Variants in PCDHGA2 observed in about 807,000 individuals in gnomAD.
PCDHGA2 encodes the protein protocadherin gamma-A2.
A neutral mutation model predicts 59.2 loss-of-function variants in PCDHGA2; 40 were observed. The observed-to-expected ratio is 0.68, with a 90% CI of 0.52 to 0.88. The LOEUF (loss-of-function observed/expected upper bound fraction) is 0.88. Ranked by LOEUF, PCDHGA2 falls within the 40% of genes least tolerant of loss-of-function variation. The pLI, the probability that PCDHGA2 is intolerant of heterozygous loss-of-function variation, is 0.00. For synonymous variants in PCDHGA2, 560 were observed against 526.0 expected (o/e 1.06, Z -0.89); for missense variants, 1,226 against 1,204.0 (o/e 1.02, Z -0.27).
intron 1 of PCDHGA2, chr5:141,409,128 T>C (rs755394129): frequency 6.2e-6 from 10 of 1,613,976 alleles, no homozygotes; most frequent in South Asian, 1.1e-5. Flanking sequence ...TCATTTGATT[T>C]TGAAGATGTA....
chr5:141,433,555 G>C (rs1434189062), intron 1 of PCDHGA2, among the ~76,000 whole-genome samples: 1 of 152,088 alleles, frequency 6.6e-6, no homozygotes, highest in African/African-American at 2.4e-5. Flanking sequence ...TTCTTTTCTG[G>C]CTGGGCGCGG....
chr5:141,362,078 A>G, intron 1 of PCDHGA2: 3 of 1,612,904 alleles, frequency 1.9e-6, no homozygotes, highest in Non-Finnish European at 2.5e-6. Flanking sequence ...GCTGTGCGTG[A>G]TGGAGGACAG....
intron 1 of PCDHGA2, chr5:141,366,265 C>G (rs756734800): frequency 6.2e-7 from 1 of 1,613,566 alleles, no homozygotes; most frequent in Non-Finnish European, 8.5e-7. Context: ...TCGTGGTGGC[C>G]GTCGAAGACC....
intron 1 of PCDHGA2, among the ~76,000 whole-genome samples, chr5:141,364,014 A>G (rs145320199): frequency 4.6e-5 from 7 of 152,362 alleles, no homozygotes; most frequent in Non-Finnish European, 7.3e-5. Context: ...ACAACGCTAC[A>G]CAGTTAAACA....
intron 2 of PCDHGA2, among the ~76,000 whole-genome samples, chr5:141,503,598 C>CAA (rs765754054): frequency 1.5e-4 from 10 of 65,698 alleles, no homozygotes; most frequent in African/African-American, 2.3e-4. Context: ...GACTCCAGCT[C>CAA]AAAAAAAAAA....
At chr5:141,374,089 G>A in intron 1 of PCDHGA2, 1 of 1,532,432 alleles carries the variant, frequency 6.5e-7, no homozygotes, top group Non-Finnish European at 8.8e-7. Flanking sequence ...CAGTAATGGC[G>A]CCTCCGCAGA....
At chr5:141,415,394 C>A (rs893251079) in intron 1 of PCDHGA2, 29 of 1,614,110 alleles carry the variant, frequency 1.8e-5, no homozygotes, top group Non-Finnish European at 2.3e-5. Context: ...ACAGGTGTGT[C>A]CGGCTCGCAC....
At chr5:141,423,598 C>A in intron 1 of PCDHGA2, 1 of 1,612,940 alleles carries the variant, frequency 6.2e-7, no homozygotes, top group East Asian at 2.2e-5. Flanking sequence ...GAAAAGCGAG[C>A]CACTCTTGAT....
intron 1 of PCDHGA2, chr5:141,350,797 G>C (rs746796128): frequency 1.9e-6 from 3 of 1,613,996 alleles, no homozygotes; most frequent in Non-Finnish European, 2.5e-6. Context: ...CTCTGTCAAC[G>C]AAGGAAAGTC....
chr5:141,429,390 A>ATT (rs1561841316), intron 1 of PCDHGA2, among the ~76,000 whole-genome samples: 8 of 150,216 alleles, frequency 5.3e-5, no homozygotes, highest in African/African-American at 1.7e-4. Flanking sequence ...TTTTTTTTAA[A>ATT]AAAAATTGAG....
rs775247725 is a variant in PCDHGA2, at chr5:141,393,523, A to T, written c.2424+52128A>T. The T allele has an allele frequency of 2.0e-5, 33 of 1,613,900 alleles. No individual in the cohort carries two copies. Among genetic ancestry groups the T allele is most frequent in the Middle Eastern group, 1.6e-4 (1 of 6,084 alleles). ...CACGTGACAGTGTTGGATACAAATG[A>T]CAATGCCCCGGTTTTTCCTCACCCG... is the stretch of plus-strand genomic sequence containing the variant. On this transcript the variant is annotated intron_variant, in intron 1 of 3. Transcript: ENST00000394576.
At chr5:141,388,552 G>C in intron 1 of PCDHGA2, 1 of 1,613,814 alleles carries the variant, frequency 6.2e-7, no homozygotes, top group Non-Finnish European at 8.5e-7. Flanking sequence ...CCACCCCTAA[G>C]CAGCACTGCA....
chr5:141,454,892 C>T (rs1389056318), intron 1 of PCDHGA2, among the ~76,000 whole-genome samples: 4 of 146,994 alleles, frequency 2.7e-5, no homozygotes, highest in Non-Finnish European at 5.9e-5. Context: ...ACTGCTAGCA[C>T]CGCCTCCCGG....
chr5:141,399,106 T>C, intron 1 of PCDHGA2: 2 of 1,613,784 alleles, frequency 1.2e-6, no homozygotes, highest in Non-Finnish European at 1.7e-6. Context: ...GGTTGCACAA[T>C]GTACAGTTGA....
intron 1 of PCDHGA2, among the ~76,000 whole-genome samples, chr5:141,448,617 T>C (rs1318664360): frequency 2.0e-5 from 3 of 152,150 alleles, no homozygotes; most frequent in Non-Finnish European, 2.9e-5. Flanking sequence ...ACTTTATATC[T>C]TCCTTTCTTC....
chr5:141,344,120 T>G (rs746958849), intron 1 of PCDHGA2: 6 of 1,613,896 alleles, frequency 3.7e-6, no homozygotes, highest in African/African-American at 1.3e-5. Flanking sequence ...CAGGATCCGG[T>G]CAGATCCGCT....
chr5:141,433,283 T>A, intron 1 of PCDHGA2: 1 of 1,183,074 alleles, frequency 8.5e-7, no homozygotes, highest in Non-Finnish European at 1.2e-6. Flanking sequence ...AGCCTCAAAC[T>A]CCTAGGCTCA....
intron 1 of PCDHGA2, chr5:141,420,300 C>T (rs773892933): frequency 1.6e-5 from 24 of 1,467,248 alleles, no homozygotes; most frequent in African/African-American, 2.8e-5. Context: ...TGTATTTAAT[C>T]CTTTTTATAT....
In PCDHGA2 at chr5:141,485,842, T is replaced by C; in HGVS notation, c.2425-8965T>C. ...TCGATGGAGGGAACCCGCCGAGATC[T>C]GGCACCGCAGAGCTCCGGGTATCCG... On this transcript the variant is annotated intron_variant, in intron 1 of 3. Coordinates refer to ENST00000394576, the MANE Select transcript of PCDHGA2 (RefSeq NM_018915.4). This position sits in a 1 kb window ranked among gnomAD's most constrained non-coding sequence, Gnocchi z 5.7. 1 of 1,614,002 alleles carries C rather than the reference T, an allele frequency of 6.2e-7. No homozygotes were observed. Among genetic ancestry groups the C allele is most frequent in the Non-Finnish European group, 8.5e-7 (1 of 1,179,982 alleles).
Sources: allele counts gnomAD v4.1 joint callset (sites outside exome capture counted in the v4.1 genomes callset), GRCh38; gene constraint gnomAD v4.1.1; non-coding constraint Gnocchi (gnomAD v3.1); transcripts MANE v1.5; gene names NCBI Gene and HGNC (gene_info 2026-07-23, HGNC 2026-07-21).